Variants in PDLIM5 observed in about 807,000 individuals in gnomAD.
PDLIM5 encodes the protein PDZ and LIM domain 5.
In PDLIM5, 34 loss-of-function variants were observed where a neutral mutation model predicts 64.2. That is an observed-to-expected ratio of 0.53 (90% CI 0.40 to 0.71). The LOEUF is 0.71. Among genes scored for constraint, PDLIM5 ranks in the 30% least tolerant of loss-of-function variants. PDLIM5 has a pLI of 0.00. For synonymous variants in PDLIM5, 253 were observed against 269.1 expected (o/e 0.94, Z 0.59); for missense variants, 683 against 733.6 (o/e 0.93, Z 0.80).
At chr4:94,648,960 TG>T (rs1035215214) in intron 9 of PDLIM5, among the ~76,000 whole-genome samples, 1 of 151,890 alleles carries the variant, frequency 6.6e-6, no homozygotes, top group Admixed American at 6.6e-5. Flanking sequence ...GGGATGTAAT[TG>T]TTTTTTTTTG....
Position 94,576,047 on chromosome 4 carries a change from G to A in PDLIM5, c.710+13G>A. 1 of 1,602,240 alleles carries A rather than the reference G, an allele frequency of 6.2e-7. No homozygotes were observed. Among genetic ancestry groups the A allele is most frequent in the Non-Finnish European group, 8.5e-7 (1 of 1,171,726 alleles). On this transcript the variant is annotated intron_variant, in intron 5 of 12. Transcript: ENST00000317968. ...AACAGCAAAATGGGTAGGTGGCTAA[G>A]GTGCTTTCTGCTCTTACTAAAACTC... is the stretch of plus-strand genomic sequence containing the variant.
At chr4:94,569,464 C>G (rs1224856008) in intron 3 of PDLIM5, among the ~76,000 whole-genome samples, 1 of 152,104 alleles carries the variant, frequency 6.6e-6, no homozygotes, top group Non-Finnish European at 1.5e-5. Flanking sequence ...AGACTACAGG[C>G]ACATGCTACC....
intron 2 of PDLIM5, among the ~76,000 whole-genome samples, chr4:94,505,476 G>C (rs1578268874): frequency 6.6e-6 from 1 of 152,058 alleles, no homozygotes; most frequent in Non-Finnish European, 1.5e-5. Context: ...TGGCCAGGCT[G>C]ATGTTGAACT....
intron 3 of PDLIM5, among the ~76,000 whole-genome samples, chr4:94,551,567 G>T (rs888608280): frequency 6.6e-6 from 1 of 151,938 alleles, no homozygotes; most frequent in Non-Finnish European, 1.5e-5. Flanking sequence ...ATTTTTAACC[G>T]CAACCCTGTA....
At chr4:94,616,550 T>C (rs1018677226) in intron 7 of PDLIM5, among the ~76,000 whole-genome samples, 1 of 152,236 alleles carries the variant, frequency 6.6e-6, no homozygotes, top group Non-Finnish European at 1.5e-5. Context: ...TTTCAAACCC[T>C]GATTCCATTA....
chr4:94,455,192 A>G (rs893238548), intron 1 of PDLIM5, 55 bp from the exon 2 acceptor site: 2 of 682,422 alleles, frequency 2.9e-6, no homozygotes, highest in Non-Finnish European at 5.2e-6. Context: ...AACATAATTT[A>G]TGTTCTAGGG....
chr4:94,569,357 A>G (rs1307137957), intron 3 of PDLIM5, among the ~76,000 whole-genome samples: 1 of 134,388 alleles, frequency 7.4e-6, no homozygotes, highest in Non-Finnish European at 1.6e-5. Flanking sequence ...TTGTTTAGAC[A>G]GAGTCTTGCT....
At chr4:94,491,001 T>C (rs996468727) in intron 2 of PDLIM5, among the ~76,000 whole-genome samples, 2 of 152,178 alleles carry the variant, frequency 1.3e-5, no homozygotes, top group Non-Finnish European at 2.9e-5. Context: ...AAAAAACTCA[T>C]TATACCCTAC....
At chr4:94,605,986 T>G (rs902985887) in intron 7 of PDLIM5, among the ~76,000 whole-genome samples, 3 of 151,960 alleles carry the variant, frequency 2.0e-5, no homozygotes, top group Admixed American at 2.0e-4. Context: ...AAAGGTATTT[T>G]GGGAGCACTA....
chr4:94,665,109 A>C lies in PDLIM5; in HGVS notation c.*1042A>C. ...ATGCTTCATCACCTATATTAGGCAA[A>C]TTCCATTTTTTTCCCTTGTGCTAAG... is the stretch of plus-strand genomic sequence containing the variant. On this transcript the variant is annotated 3_prime_UTR_variant, in exon 13 of 13. Coordinates refer to ENST00000317968, the MANE Select transcript of PDLIM5 (RefSeq NM_006457.5). 1.1e-6 allele frequency: 1 copy of C among 917,466 alleles called. No homozygotes were observed. The highest frequency in any genetic ancestry group is 4.9e-5 in the South Asian group (1 of 20,266). The allele number at this position is 917,466 out of a possible 1,614,324, so 56.8% of individuals were successfully genotyped here.
chr4:94,614,504 T>C (rs965313437), intron 7 of PDLIM5, among the ~76,000 whole-genome samples: 2 of 152,200 alleles, frequency 1.3e-5, no homozygotes, highest in African/African-American at 4.8e-5. Flanking sequence ...TTGGGCATCA[T>C]ATATTCAGAT....
rs372780364 is a variant in PDLIM5 at position 94,597,121 on chromosome 4, CTT to C, written c.920+10679_920+10680del. Among the ~76,000 whole-genome samples, 600 of 152,182 alleles carry C rather than the reference CTT, an allele frequency of 3.9e-3. 6 individuals are homozygous for C. Among genetic ancestry groups the C allele is most frequent in the African/African-American group, 0.014 (566 of 41,542 alleles). On this transcript the variant is annotated intron_variant, in intron 7 of 12. Transcript: ENST00000317968. Reference sequence around the variant, plus strand: ...CACACTTATTTTGCCTCTTCACACACTTTATTCTTTATCCTGATATGCTAGTA... The same window carrying C: ...CACACTTATTTTGCCTCTTCACACACTATTCTTTATCCTGATATGCTAGTA...
At chr4:94,504,411 C>G (rs954009793) in intron 2 of PDLIM5, among the ~76,000 whole-genome samples, 2 of 151,990 alleles carry the variant, frequency 1.3e-5, no homozygotes, top group African/African-American at 4.8e-5. Context: ...CTCAGCCTCC[C>G]GAGTAGCTGG....
At chr4:94,594,042 G>A (rs144104821) in intron 7 of PDLIM5, among the ~76,000 whole-genome samples, 27 of 152,162 alleles carry the variant, frequency 1.8e-4, no homozygotes, top group Non-Finnish European at 2.6e-4. Context: ...TGTTTACAGC[G>A]TGGCACACAC....
intron 4 of PDLIM5, chr4:94,573,760 A>G (rs539527558): frequency 4.2e-5 from 9 of 216,834 alleles, no homozygotes; most frequent in African/African-American, 2.1e-4. Flanking sequence ...CATTTTATTA[A>G]TAAGTGCTTA....
intron 5 of PDLIM5, 132 bp from the exon 6 acceptor site, chr4:94,585,433 G>T (rs557169382): frequency 3.4e-6 from 2 of 590,880 alleles, no homozygotes; most frequent in Non-Finnish European, 5.2e-6. Flanking sequence ...GAATATACTT[G>T]CAAAGCAAAC....
At chr4:94,596,276 A>G (rs1221277489) in intron 7 of PDLIM5, among the ~76,000 whole-genome samples, 1 of 152,124 alleles carries the variant, frequency 6.6e-6, no homozygotes, top group Non-Finnish European at 1.5e-5. Flanking sequence ...ACTTATAAAG[A>G]TCTGTTATTT....
intron 2 of PDLIM5, among the ~76,000 whole-genome samples, chr4:94,497,775 G>A (rs1453916646): frequency 6.6e-6 from 1 of 152,094 alleles, no homozygotes; most frequent in East Asian, 1.9e-4. Context: ...TATCTAATGG[G>A]CCATCCTGTA....
At chr4:94,540,477 C>T (rs895822919) in intron 3 of PDLIM5, among the ~76,000 whole-genome samples, 2 of 152,110 alleles carry the variant, frequency 1.3e-5, no homozygotes, top group African/African-American at 2.4e-5. Flanking sequence ...ATTTGTCTAA[C>T]GTCACACAGC....
Sources: allele counts gnomAD v4.1 joint callset (sites outside exome capture counted in the v4.1 genomes callset), GRCh38; gene constraint gnomAD v4.1.1; transcripts MANE v1.5; gene names NCBI Gene and HGNC (gene_info 2026-07-23, HGNC 2026-07-21).